Variants in LGSN observed in about 807,000 individuals in gnomAD.
LGSN encodes the protein lengsin.
A neutral mutation model predicts 19.5 loss-of-function variants in LGSN; 21 were observed. That is an observed-to-expected ratio of 1.07 (90% CI 0.76 to 1.55). The LOEUF (loss-of-function observed/expected upper bound fraction) is 1.55. Among genes scored for constraint, LGSN ranks in the 40% most tolerant of loss-of-function variants. The pLI is 0.00. For synonymous variants in LGSN, 257 were observed against 215.6 expected (o/e 1.19, Z -1.68); for missense variants, 673 against 608.5 (o/e 1.11, Z -1.12).
the LGSN span, among the ~76,000 whole-genome samples, chr6:63,475,023 G>A: frequency 2.0e-5 from 3 of 151,978 alleles, no homozygotes; most frequent in African/African-American, 4.8e-5. Flanking sequence ...CAAACGAAAT[G>A]TGTCTCCATT....
chr6:63,280,059 C>G lies in LGSN; in HGVS notation c.1492G>C (p.Ala498Pro), dbSNP rs1174614949. The G allele has an allele frequency of 6.2e-7, 1 of 1,611,386 alleles. No homozygotes were observed. The highest frequency in any genetic ancestry group is 1.1e-5 in the South Asian group (1 of 90,682). ...TCTAAGAATTTATTTCTCTCTGCAG[C>G]TATTTCTTCATTCTCCAACTCATAT... ...KKYELENEEI[A>P]AERNKFLEYF... Residue 498 changes from alanine to proline, a missense_variant, in exon 4 of 4, where the codon GCT (alanine) becomes CCT (proline). Coordinates refer to ENST00000370657, the MANE Select transcript of LGSN (RefSeq NM_016571.3).
the LGSN span, among the ~76,000 whole-genome samples, chr6:63,486,786 G>A: frequency 8.4e-5 from 12 of 142,716 alleles, no homozygotes; most frequent in East Asian, 2.1e-4. Context: ...CCCAGGCTCC[G>A]GTGATCCCCC....
the LGSN span, among the ~76,000 whole-genome samples, chr6:63,474,608 CAAAAAAA>C: frequency 8.4e-6 from 1 of 118,388 alleles, no homozygotes; most frequent in Non-Finnish European, 1.7e-5. Context: ...GACTCCATCT[CAAAAAAA>C]AAAAAAAAAG....
rs746841642 is a variant in LGSN at position 63,280,087 on chromosome 6, C to T, written c.1464G>A (p.Lys488=). The change falls in exon 4 of 4, where the codon AAG becomes AAA. Residue 488 remains lysine (K), a synonymous_variant. Transcript: ENST00000370657. ...TTTCTTCATTCTCCAACTCATATTTCTTCATGGCAACAAAATATCGAATAA... is the reference window on the plus strand; with the variant it reads ...TTTCTTCATTCTCCAACTCATATTTTTTCATGGCAACAAAATATCGAATAA... ...ETFIRYFVAM[K]KYELENEEIA... 1.2e-5 allele frequency: 20 copies of T among 1,613,606 alleles called. No individual in the cohort carries two copies. Among genetic ancestry groups the T allele is most frequent in the African/African-American group, 4.0e-5 (3 of 74,882 alleles).
At chr6:63,452,139 C>A in the LGSN span, among the ~76,000 whole-genome samples, 1 of 149,910 alleles carries the variant, frequency 6.7e-6, no homozygotes, top group African/African-American at 2.5e-5. Flanking sequence ...TTTTTATTTT[C>A]CGGAAGAGTT....
chr6:63,333,906 A>T, the LGSN span, among the ~76,000 whole-genome samples: 1 of 152,230 alleles, frequency 6.6e-6, no homozygotes, highest in Non-Finnish European at 1.5e-5. Flanking sequence ...CAGAAAAAGC[A>T]TTTGATAAAA....
the LGSN span, among the ~76,000 whole-genome samples, chr6:63,337,250 C>T: frequency 6.6e-6 from 1 of 151,688 alleles, no homozygotes; most frequent in Non-Finnish European, 1.5e-5. Context: ...ATGTAGTTTC[C>T]TAAAATACAA....
At chr6:63,294,434 G>T (rs910114616) in intron 2 of LGSN, among the ~76,000 whole-genome samples, 1 of 152,122 alleles carries the variant, frequency 6.6e-6, no homozygotes, top group Non-Finnish European at 1.5e-5. Flanking sequence ...AATTCCTACT[G>T]TCCTGCCTTA....
chr6:63,500,805 G>A, the LGSN span, among the ~76,000 whole-genome samples: 1 of 151,872 alleles, frequency 6.6e-6, no homozygotes, highest in African/African-American at 2.4e-5. Context: ...TCCACTCACT[G>A]CAACCTCTGC....
chr6:63,434,336 A>T, the LGSN span, among the ~76,000 whole-genome samples: 1 of 150,614 alleles, frequency 6.6e-6, no homozygotes. Flanking sequence ...GCTACTCTGG[A>T]GGCTGAGGCA....
the LGSN span, among the ~76,000 whole-genome samples, chr6:63,543,009 A>C: frequency 3.0e-4 from 45 of 152,300 alleles, no homozygotes; most frequent in Middle Eastern, 6.8e-3. Context: ...TAGTATAATG[A>C]GTTCCACTAC....
At chr6:63,531,016 A>G in the LGSN span, among the ~76,000 whole-genome samples, 1 of 152,206 alleles carries the variant, frequency 6.6e-6, no homozygotes, top group Non-Finnish European at 1.5e-5. Context: ...AACTAAATAT[A>G]AGAATGAGCT....
chr6:63,441,424 C>A, the LGSN span: 3 of 458,746 alleles, frequency 6.5e-6, no homozygotes, highest in African/African-American at 2.0e-5. Context: ...TGAAGAATAA[C>A]CTCTGGATCC....
chr6:63,293,639 T>C, intron 2 of LGSN: 1 of 427,622 alleles, frequency 2.3e-6, no homozygotes, highest in South Asian at 1.7e-5. Flanking sequence ...TACCAGTTTG[T>C]TCCAGAATCC....
At position 63,286,023 on chromosome 6, in the gene LGSN, C is replaced by T. The variant is rs377088087; in HGVS notation, c.164-270G>A. On this transcript the variant is annotated intron_variant, in intron 2 of 3. Coordinates refer to ENST00000370657, the MANE Select transcript of LGSN (RefSeq NM_016571.3). ...TGCATAAGGATATAGCGATATCATACGTAGATACTTACTGAAAATCCCTTT... is the reference window on the plus strand; with the variant it reads ...TGCATAAGGATATAGCGATATCATATGTAGATACTTACTGAAAATCCCTTT... Among the ~76,000 whole-genome samples, 176 of 152,146 alleles carry T rather than the reference C, an allele frequency of 1.2e-3. 1 individual carries two copies. The highest frequency in any genetic ancestry group is 3.1e-3 in the African/African-American group (130 of 41,520).
At chr6:63,443,613 C>T in the LGSN span, 1 of 1,035,062 alleles carries the variant, frequency 9.7e-7, no homozygotes, top group African/African-American at 1.7e-5. Context: ...GCCTCCCAGC[C>T]TTGGAGCTTG....
the LGSN span, among the ~76,000 whole-genome samples, chr6:63,488,340 G>A: frequency 6.6e-6 from 1 of 152,164 alleles, no homozygotes; most frequent in Admixed American, 6.6e-5. Flanking sequence ...TGAGAAAAGA[G>A]AAGGTCAGGC....
the LGSN span, among the ~76,000 whole-genome samples, chr6:63,393,941 G>C: frequency 6.6e-6 from 1 of 152,264 alleles, no homozygotes; most frequent in South Asian, 2.1e-4. Flanking sequence ...TAGGAGGTCT[G>C]CAAAAGATAC....
the LGSN span, among the ~76,000 whole-genome samples, chr6:63,377,665 C>A: frequency 6.6e-6 from 1 of 152,102 alleles, no homozygotes; most frequent in South Asian, 2.1e-4. Context: ...GTAATCCCAG[C>A]ACTTTGGGAA....
Sources: gnomAD v4.1 joint callset for allele counts (sites outside exome capture counted in the v4.1 genomes callset) on GRCh38, gnomAD v4.1.1 for gene constraint, MANE v1.5 for transcripts, NCBI Gene and HGNC (gene_info 2026-07-23, HGNC 2026-07-21) for gene names.